The following ABCA10 variants were observed in gnomAD, a reference collection of about 807,000 sequenced individuals.
ABCA10 encodes ATP-binding cassette sub-family A member 10.
Under a neutral mutation model 187.5 loss-of-function variants are expected in ABCA10, and 169 were observed. That is an observed-to-expected ratio of 0.90 (90% confidence interval 0.80 to 1.02). ABCA10 has a LOEUF of 1.02. Ranked by LOEUF, ABCA10 falls within the 50% of genes least tolerant of loss-of-function variation. The probability of loss-of-function intolerance (pLI) is 0.00; values close to 1 mark genes in which losing one functional copy is unlikely to be tolerated. For synonymous variants in ABCA10, 574 were observed against 601.8 expected (o/e 0.95, Z 0.68); for missense variants, 1,727 against 1,812.4 (o/e 0.95, Z 0.86).
intron 25 of ABCA10, among the ~76,000 whole-genome samples, chr17:69,170,755 A>G (rs2074292510): frequency 1.3e-5 from 1 of 78,552 alleles, no homozygotes; most frequent in African/African-American, 9.3e-5. Context: ...TTTCAAGGGA[A>G]AAAAAAAAAG....
chr17:69,198,303 G>A (rs2074520677), intron 10 of ABCA10, among the ~76,000 whole-genome samples: 1 of 152,138 alleles, frequency 6.6e-6, no homozygotes, highest in Admixed American at 6.5e-5. Context: ...ATCAGCAACA[G>A]TCTCTTTCCT....
chr17:69,218,696 A>G (rs1051802485), intron 6 of ABCA10, among the ~76,000 whole-genome samples: 12 of 151,982 alleles, frequency 7.9e-5, no homozygotes, highest in Non-Finnish European at 1.3e-4. Flanking sequence ...AGATGGAGAG[A>G]GATGTCTTTT....
At chr17:69,229,426 C>T (rs531617605), upstream of ABCA10, among the ~76,000 whole-genome samples, 21 of 151,962 alleles carry the variant, frequency 1.4e-4, no homozygotes, top group Non-Finnish European at 2.5e-4. Flanking sequence ...GACTAGATGG[C>T]ATAACTTTAA....
intron 4 of ABCA10, 43 bp downstream of exon 4, chr17:69,222,490 T>C: frequency 1.4e-6 from 2 of 1,444,812 alleles, no homozygotes; most frequent in Non-Finnish European, 1.8e-6. Flanking sequence ...GGGGATTCCA[T>C]GAAGTATCAA....
chr17:69,170,036 C>T (rs1283433542), intron 25 of ABCA10, among the ~76,000 whole-genome samples: 2 of 152,002 alleles, frequency 1.3e-5, no homozygotes, highest in Admixed American at 6.6e-5. Flanking sequence ...TCCTGTAATC[C>T]TAACACTTTG....
chr17:69,201,366 G>T, intron 10 of ABCA10, 134 bp downstream of exon 10: 1 of 793,976 alleles, frequency 1.3e-6, no homozygotes, highest in Non-Finnish European at 1.8e-6. Context: ...AATGGTGAAT[G>T]AGAGGAATTT....
At chr17:69,155,740 T>C in intron 29 of ABCA10, 65 bp downstream of exon 29, 1 of 1,529,722 alleles carries the variant, frequency 6.5e-7, no homozygotes, top group East Asian at 2.3e-5. Context: ...AAAACCAACA[T>C]CTCATCAATT....
chr17:69,162,863 G>A (rs1011741737), intron 27 of ABCA10, among the ~76,000 whole-genome samples: 3 of 50,616 alleles, frequency 5.9e-5, no homozygotes, highest in African/African-American at 2.4e-4. Flanking sequence ...ATATGAGACG[G>A]AGTCTCTCTC....
chr17:69,210,851 T>C (rs1199498377), intron 9 of ABCA10, among the ~76,000 whole-genome samples: 4 of 57,820 alleles, frequency 6.9e-5, no homozygotes, highest in African/African-American at 1.5e-4. Context: ...ATGCCACATA[T>C]ATATATATAT....
At chr17:69,232,401 G>A (rs2074837983), upstream of ABCA10, among the ~76,000 whole-genome samples, 1 of 151,470 alleles carries the variant, frequency 6.6e-6, no homozygotes, top group African/African-American at 2.4e-5. Flanking sequence ...TCTATTATAG[G>A]TTTTTGCTTT....
At chr17:69,242,218 A>G (rs1381791870) in intron 1 of ABCA10, among the ~76,000 whole-genome samples, 1 of 152,242 alleles carries the variant, frequency 6.6e-6, no homozygotes, top group Non-Finnish European at 1.5e-5. Flanking sequence ...AACAATATCA[A>G]TAGTATAATT....
intron 20 of ABCA10, 27 bp from the exon 21 acceptor site, chr17:69,182,835 G>GAA (rs60708995): frequency 1.2e-4 from 161 of 1,325,958 alleles, no homozygotes; most frequent in South Asian, 5.2e-4. Context: ...AAGGCAACAA[G>GAA]AAAAAAAAAA....
intron 1 of ABCA10, chr17:69,235,156 C>T (rs1416702529): frequency 6.6e-6 from 1 of 152,164 alleles, no homozygotes; most frequent in East Asian, 1.9e-4. Context: ...CATCTCTGCC[C>T]ATCTCCCTCC....
intron 10 of ABCA10, among the ~76,000 whole-genome samples, chr17:69,200,113 C>T (rs551911964): frequency 6.6e-6 from 1 of 152,284 alleles, no homozygotes; most frequent in Admixed American, 6.5e-5. Context: ...TCACCTTTTA[C>T]GTATCTGTTT....
At position 69,153,946 on chromosome 17, in the gene ABCA10, C is replaced by T. The variant is rs2074151650; in HGVS notation, c.3850G>A (p.Gly1284Arg). ...AGTGAGTTCTCCTGAGGGCAGTACC[C>T]CAAGAACTTGAGGCTGTTGTCATGC... ...QQHDNSLKFL[G>R]YCPQENSLWP... The change falls in exon 32 of 39, where the codon GGG (glycine) becomes AGG (arginine). Residue 1284 changes from glycine to arginine, a missense_variant. Physicochemically the swap from Gly to Arg is moderately radical, Grantham distance 125 (BLOSUM62 -2). Coordinates refer to ENST00000690296, the MANE Select transcript of ABCA10 (RefSeq NM_001377321.1). 4 of 1,613,946 alleles carry T rather than the reference C, an allele frequency of 2.5e-6. No individual in the cohort carries two copies. The highest frequency in any genetic ancestry group is 3.4e-6 in the Non-Finnish European group (4 of 1,179,990).
intron 5 of ABCA10, among the ~76,000 whole-genome samples, chr17:69,220,554 C>T (rs533650161): frequency 1.3e-5 from 2 of 152,240 alleles, no homozygotes; most frequent in East Asian, 3.9e-4. Flanking sequence ...GTTCCTTTTA[C>T]TCAGCTAGGT....
chr17:69,186,642 G>T (rs1216598072), intron 19 of ABCA10, among the ~76,000 whole-genome samples: 1 of 152,104 alleles, frequency 6.6e-6, no homozygotes, highest in Non-Finnish European at 1.5e-5. Context: ...TCCAATGGAT[G>T]CTTTGTTTCT....
At chr17:69,153,010 T>A (rs1169036197) in intron 34 of ABCA10, among the ~76,000 whole-genome samples, 1 of 152,068 alleles carries the variant, frequency 6.6e-6, no homozygotes, top group Non-Finnish European at 1.5e-5. Context: ...TCATACTATA[T>A]GACTTTCAAT....
chr17:69,232,748 T>C (rs2074840234), upstream of ABCA10, among the ~76,000 whole-genome samples: 1 of 152,190 alleles, frequency 6.6e-6, no homozygotes, highest in Non-Finnish European at 1.5e-5. Context: ...GGTCTGATAG[T>C]AATGAATTCC....
Sources: allele counts gnomAD v4.1 joint callset (sites outside exome capture counted in the v4.1 genomes callset), GRCh38; gene constraint gnomAD v4.1.1; transcripts MANE v1.5; gene names NCBI Gene and HGNC (gene_info 2026-07-23, HGNC 2026-07-21).